Variants in ZNF804B observed in about 807,000 individuals in gnomAD.
ZNF804B encodes zinc finger 804B.
A neutral mutation model predicts 101.4 loss-of-function variants in ZNF804B; 80 were observed. The ratio of observed to expected loss-of-function variants is 0.79; its 90% CI spans 0.66 to 0.95. The LOEUF (loss-of-function observed/expected upper bound fraction) is 0.95, where lower values mean the gene tolerates loss of function less well. Among genes scored for constraint, ZNF804B ranks in the 40% least tolerant of loss-of-function variants. ZNF804B has a pLI of 0.00. For missense variants in ZNF804B, 1,673 were observed against 1,561.9 expected (o/e 1.07, Z -1.20); for synonymous variants, 622 against 558.8 (o/e 1.11, Z -1.59).
chr7:88,990,469 A>G (rs1211487293), intron 1 of ZNF804B, among the ~76,000 whole-genome samples: 1 of 152,052 alleles, frequency 6.6e-6, no homozygotes, highest in Non-Finnish European at 1.5e-5. Context: ...TCCTCCACCA[A>G]TCCTTTGAGT....
chr7:89,031,189 A>G (rs1325364245), intron 1 of ZNF804B, among the ~76,000 whole-genome samples: 1 of 114,344 alleles, frequency 8.7e-6, no homozygotes, highest in Non-Finnish European at 2.1e-5. Context: ...ATATATGTGT[A>G]TATATATATA....
Position 89,175,095 on chromosome 7 carries a change from A to G in ZNF804B, c.109-43060A>G, listed in dbSNP as rs143938016. On this transcript the variant is annotated intron_variant, in intron 1 of 3. Coordinates refer to ENST00000333190, the MANE Select transcript of ZNF804B (RefSeq NM_181646.5). ...TGCCATGCAGAAGCTTTTTAAGTTG[A>G]TGTGATCTTATTTATCCATGTTTGC... is the stretch of plus-strand genomic sequence containing the variant. Among the ~76,000 whole-genome samples, 6 of 151,936 alleles carry G rather than the reference A, an allele frequency of 3.9e-5. No individual in the cohort carries two copies. The East Asian group carries it at 1.2e-3, about 29-fold the overall frequency.
At chr7:89,181,204 C>A (rs1377697974) in intron 1 of ZNF804B, among the ~76,000 whole-genome samples, 1 of 152,024 alleles carries the variant, frequency 6.6e-6, no homozygotes, top group Non-Finnish European at 1.5e-5. Context: ...CAGTTGGTGT[C>A]TCACTGGGTT....
intron 1 of ZNF804B, among the ~76,000 whole-genome samples, chr7:89,108,488 C>T (rs1188959685): frequency 6.6e-6 from 1 of 152,100 alleles, no homozygotes; most frequent in Admixed American, 6.6e-5. Flanking sequence ...CTCAAAAGAG[C>T]CTCACTTTTA....
intron 1 of ZNF804B, among the ~76,000 whole-genome samples, chr7:89,075,371 C>A (rs937051834): frequency 2.6e-5 from 4 of 152,086 alleles, no homozygotes; most frequent in African/African-American, 9.7e-5. Context: ...TGCCCTGCAT[C>A]CCAGCCACTC....
intron 1 of ZNF804B, among the ~76,000 whole-genome samples, chr7:89,057,703 A>C (rs1333898458): frequency 6.6e-6 from 1 of 152,002 alleles, no homozygotes; most frequent in Non-Finnish European, 1.5e-5. Context: ...GCAAATGGCC[A>C]ATGAAGGAAG....
At chr7:88,896,500 T>C (rs1240724071) in intron 1 of ZNF804B, among the ~76,000 whole-genome samples, 1 of 152,144 alleles carries the variant, frequency 6.6e-6, no homozygotes, top group African/African-American at 2.4e-5. Flanking sequence ...AGATTATCAA[T>C]AGTTCATAAA....
rs187030291 is a variant in ZNF804B at position 89,262,548 on chromosome 7, G to C, written c.249+44253G>C. Among the ~76,000 whole-genome samples, 4 of 152,246 alleles carry C rather than the reference G, an allele frequency of 2.6e-5. No individual in the cohort carries two copies. The East Asian group carries it at 7.7e-4, about 29-fold the overall frequency. On this transcript the variant is annotated intron_variant, in intron 2 of 3. Coordinates refer to ENST00000333190, the MANE Select transcript of ZNF804B (RefSeq NM_181646.5). ...TATTTTAAGTATTATGTAAGTGCTT[G>C]CTCTTATTATAATGATTACTTTTAT...
At chr7:88,961,402 A>C (rs1301328142) in intron 1 of ZNF804B, among the ~76,000 whole-genome samples, 1 of 151,348 alleles carries the variant, frequency 6.6e-6, no homozygotes, top group South Asian at 2.1e-4. Flanking sequence ...TAATTTATGA[A>C]TGTTTAGATG....
chr7:89,285,071 T>G (rs919982201), intron 2 of ZNF804B, among the ~76,000 whole-genome samples: 1 of 151,568 alleles, frequency 6.6e-6, no homozygotes, highest in African/African-American at 2.4e-5. Context: ...TTAAAAAAAA[T>G]AGCCAGGCAT....
intron 1 of ZNF804B, among the ~76,000 whole-genome samples, chr7:89,104,639 T>C (rs868628489): frequency 1.3e-5 from 2 of 152,138 alleles, no homozygotes; most frequent in African/African-American, 4.8e-5. Flanking sequence ...TTTTTTTCCC[T>C]CTTATTTTCA....
intron 1 of ZNF804B, among the ~76,000 whole-genome samples, chr7:88,776,785 C>G (rs1197110773): frequency 2.1e-5 from 2 of 95,906 alleles, no homozygotes; most frequent in East Asian, 7.3e-4. Context: ...CATAAACCCC[C>G]CCCCCCACCC....
At chr7:89,261,153 T>G (rs557486426) in intron 2 of ZNF804B, among the ~76,000 whole-genome samples, 1 of 152,294 alleles carries the variant, frequency 6.6e-6, no homozygotes, top group Non-Finnish European at 1.5e-5. Context: ...TATAGTTAAT[T>G]TTATGCAGTT....
chr7:88,800,188 CA>C (rs201935298), intron 1 of ZNF804B, among the ~76,000 whole-genome samples: 2,497 of 151,906 alleles, frequency 0.016, 94 homozygotes, highest in African/African-American at 0.056. Flanking sequence ...ATTGAGTAGA[CA>C]AAAAATATAT....
chr7:89,306,249 G>A lies in ZNF804B; in HGVS notation c.250-21095G>A, dbSNP rs148286324. On this transcript the variant is annotated intron_variant, in intron 2 of 3. Transcript: ENST00000333190. ...TAACGAAATATCTTATCCCATTATC[G>A]TTGTGTATTCATAATAGTTTTCTGA... Among the ~76,000 whole-genome samples the A allele has an allele frequency of 9.3e-4, 141 of 151,882 alleles. 2 individuals carry two copies. Among genetic ancestry groups the A allele is most frequent in the African/African-American group, 3.2e-3 (133 of 41,490 alleles).
chr7:89,038,471 A>C (rs1462980062), intron 1 of ZNF804B, among the ~76,000 whole-genome samples: 1 of 152,132 alleles, frequency 6.6e-6, no homozygotes, highest in Non-Finnish European at 1.5e-5. Context: ...TCTTTTGAGA[A>C]ACATTTATTC....
chr7:89,254,808 A>G (rs1011194078), intron 2 of ZNF804B, among the ~76,000 whole-genome samples: 3 of 151,484 alleles, frequency 2.0e-5, no homozygotes, highest in African/African-American at 7.3e-5. Flanking sequence ...ACCACACCCA[A>G]CTAATTTTTG....
At chr7:88,875,938 A>G (rs1243255193) in intron 1 of ZNF804B, among the ~76,000 whole-genome samples, 1 of 152,230 alleles carries the variant, frequency 6.6e-6, no homozygotes, top group East Asian at 1.9e-4. Context: ...CAAATCCAGC[A>G]GCACATCAAA....
chr7:89,027,465 C>T (rs1240609281), intron 1 of ZNF804B, among the ~76,000 whole-genome samples: 1 of 152,072 alleles, frequency 6.6e-6, no homozygotes, highest in Non-Finnish European at 1.5e-5. Context: ...AACAGAAAAA[C>T]AATAACCTTA....
Sources: allele counts gnomAD v4.1 joint callset (sites outside exome capture counted in the v4.1 genomes callset), GRCh38; gene constraint gnomAD v4.1.1; transcripts MANE v1.5; gene names NCBI Gene and HGNC (gene_info 2026-07-23, HGNC 2026-07-21).